Variants in ALPK2 observed in about 807,000 individuals in gnomAD.
ALPK2 encodes the protein alpha-protein kinase 2.
In ALPK2, 127 loss-of-function variants were observed where a neutral mutation model predicts 163.1. That is an observed-to-expected ratio of 0.78 (90% CI 0.67 to 0.90). The LOEUF (loss-of-function observed/expected upper bound fraction) is 0.90. Ranked by LOEUF, ALPK2 falls within the 40% of genes least tolerant of loss-of-function variation. ALPK2 has a pLI of 0.00. For synonymous variants in ALPK2, 953 were observed against 959.1 expected (o/e 0.99, Z 0.12); for missense variants, 2,360 against 2,589.6 (o/e 0.91, Z 1.92).
In ALPK2 at chr18:58,580,040, C is replaced by A. The variant is rs2051948768; in HGVS notation, c.736G>T (p.Asp246Tyr). ...TCATGAGGACCATCATTGTTCAGGT[C>A]ACCATCCGTGAACTTTGATGCCATG... ...HSMASKFTDG[D>Y]LNNDGPHDEG... Residue 246 changes from aspartate to tyrosine, a missense_variant, in exon 4 of 13, where the codon GAC becomes TAC. Physicochemically the swap from Asp to Tyr is radical, Grantham distance 160. Transcript: ENST00000361673. 6.2e-7 allele frequency: 1 copy of A among 1,614,230 alleles called. No individual in the cohort carries two copies. The highest frequency in any genetic ancestry group is 8.5e-7 in the Non-Finnish European group (1 of 1,180,044).
chr18:58,504,256 C>A, intron 10 of ALPK2, 108 bp from the exon 11 acceptor site: 1 of 887,520 alleles, frequency 1.1e-6, no homozygotes. Flanking sequence ...AATTTGTCCC[C>A]AATTCTGCTA....
chr18:58,519,594 A>AT (rs1222513937), intron 8 of ALPK2, among the ~76,000 whole-genome samples: 1 of 152,244 alleles, frequency 6.6e-6, no homozygotes, highest in Non-Finnish European at 1.5e-5. Flanking sequence ...ACGTGGTATA[A>AT]TTAACAACCC....
chr18:58,607,360 G>C lies in ALPK2; in HGVS notation c.189C>G (p.Phe63Leu). 1 of 1,613,550 alleles carries C rather than the reference G, an allele frequency of 6.2e-7. No individual in the cohort carries two copies. Among genetic ancestry groups the C allele is most frequent in the Non-Finnish European group, 8.5e-7 (1 of 1,179,774 alleles). Residue 63 changes from phenylalanine to leucine, a missense_variant, in exon 3 of 13, where the codon TTC becomes TTG. Coordinates refer to ENST00000361673, the MANE Select transcript of ALPK2 (RefSeq NM_052947.4). ...DGSGIISNYE[F>L]FENQYIHVLH... ...ACACATGAATATACTGATTCTCAAA[G>C]AATTCATAGTTGGAAATAATGCCAC...
intron 12 of ALPK2, 35 bp downstream of exon 12, chr18:58,498,014 G>A (rs370594860): frequency 6.2e-7 from 1 of 1,608,338 alleles, no homozygotes; most frequent in Non-Finnish European, 8.5e-7. Context: ...TAAGCCCAGT[G>A]TTAATTGATG....
intron 2 of ALPK2, among the ~76,000 whole-genome samples, chr18:58,610,343 T>C (rs1433599371): frequency 1.3e-5 from 2 of 149,540 alleles, no homozygotes; most frequent in African/African-American, 4.9e-5. Flanking sequence ...AGAAACACCA[T>C]TGGCACCTTC....
Position 58,482,593 on chromosome 18 carries a change from C to T in ALPK2, c.6297-554G>A, listed in dbSNP as rs558547580. Among the ~76,000 whole-genome samples, 9 of 152,300 alleles carry T rather than the reference C, an allele frequency of 5.9e-5. No individual in the cohort carries two copies. The South Asian group carries it at 1.0e-3, about 18-fold the overall frequency. ...TGAAGCCCTCTGAGTCTTTCTCCTA[C>T]AGCAGAGCTCACTCCCCTGGCAGCC... is the stretch of plus-strand genomic sequence containing the variant. On this transcript the variant is annotated intron_variant, in intron 12 of 12. Coordinates refer to ENST00000361673, the MANE Select transcript of ALPK2 (RefSeq NM_052947.4).
At chr18:58,558,776 T>G (rs2051807932) in intron 4 of ALPK2, among the ~76,000 whole-genome samples, 1 of 152,220 alleles carries the variant, frequency 6.6e-6, no homozygotes, top group South Asian at 2.1e-4. Context: ...TTCTCCCACA[T>G]GGGTGACCCT....
chr18:58,520,180 A>G (rs2051542433), intron 8 of ALPK2, among the ~76,000 whole-genome samples: 1 of 151,962 alleles, frequency 6.6e-6, no homozygotes, highest in African/African-American at 2.4e-5. Flanking sequence ...GTAATCCCAG[A>G]TCTCTGGGAG....
In ALPK2 at chr18:58,536,460, C is replaced by T; in HGVS notation, c.3727G>A (p.Ala1243Thr). The change falls in exon 5 of 13, where the codon GCT (alanine) becomes ACT (threonine). Residue 1243 changes from alanine to threonine, a missense_variant. By Grantham distance (58) the Ala-to-Thr change is moderately conservative. Transcript: ENST00000361673. ...GNKLKIITLEASASEIWPPRQ... is the reference protein window; with the variant it reads ...GNKLKIITLETSASEIWPPRQ... ...GGTGGCCAGATTTCAGAAGCGGAAG[C>T]CTCTAGAGTTATAATCTTCAGCTTG... 1 of 1,614,034 alleles carries T rather than the reference C, an allele frequency of 6.2e-7. No homozygotes were observed. The highest frequency in any genetic ancestry group is 1.3e-5 in the African/African-American group (1 of 75,044).
intron 3 of ALPK2, among the ~76,000 whole-genome samples, chr18:58,582,062 A>C (rs144321339): frequency 3.2e-4 from 49 of 152,316 alleles, no homozygotes; most frequent in Non-Finnish European, 5.6e-4. Flanking sequence ...TTGAGTTGGC[A>C]ATCTGGCTCT....
At chr18:58,499,552 A>G (rs145249445) in intron 11 of ALPK2, among the ~76,000 whole-genome samples, 1 of 152,124 alleles carries the variant, frequency 6.6e-6, no homozygotes, top group Admixed American at 6.6e-5. Flanking sequence ...CACCAATTCC[A>G]TTCCTGTCTC....
intron 1 of ALPK2, among the ~76,000 whole-genome samples, chr18:58,616,341 C>A (rs1458780508): frequency 6.6e-6 from 1 of 152,134 alleles, no homozygotes; most frequent in African/African-American, 2.4e-5. Flanking sequence ...CCTTCTTTTA[C>A]CTGTCCAAGG....
chr18:58,549,381 T>C (rs1194971217), intron 4 of ALPK2, among the ~76,000 whole-genome samples: 1 of 152,128 alleles, frequency 6.6e-6, no homozygotes, highest in Non-Finnish European at 1.5e-5. Flanking sequence ...CAGGGGCCCC[T>C]TTGGATGGAT....
At chr18:58,489,289 C>T (rs9958630) in intron 12 of ALPK2, among the ~76,000 whole-genome samples, 2,584 of 152,276 alleles carry the variant, frequency 0.017, 68 homozygotes, top group African/African-American at 0.059. Context: ...TGCCATTTCT[C>T]CTGTGGCATG....
chr18:58,612,360 G>A (rs2052137342), intron 1 of ALPK2, among the ~76,000 whole-genome samples: 1 of 152,208 alleles, frequency 6.6e-6, no homozygotes, highest in African/African-American at 2.4e-5. Flanking sequence ...TGATGTCCAG[G>A]GAGGAGATAT....
intron 12 of ALPK2, among the ~76,000 whole-genome samples, chr18:58,497,140 C>T (rs543705152): frequency 6.6e-6 from 1 of 152,386 alleles, no homozygotes; most frequent in African/African-American, 2.4e-5. Flanking sequence ...CTGGTGCCCC[C>T]TCTTGGCAGC....
chr18:58,577,516 T>G (rs2051928224), intron 4 of ALPK2, among the ~76,000 whole-genome samples: 1 of 152,236 alleles, frequency 6.6e-6, no homozygotes, highest in African/African-American at 2.4e-5. Context: ...ATTAACATTG[T>G]CACTTTATTT....
At chr18:58,569,249 C>G (rs1026452258) in intron 4 of ALPK2, among the ~76,000 whole-genome samples, 6 of 152,164 alleles carry the variant, frequency 3.9e-5, no homozygotes, top group African/African-American at 1.4e-4. Context: ...AGCCAAGGCT[C>G]TCAACCTTGG....
At chr18:58,611,870 CCTT>C in intron 1 of ALPK2, 53 bp from the exon 2 acceptor site, 1 of 1,192,944 alleles carries the variant, frequency 8.4e-7, no homozygotes, top group Non-Finnish European at 1.2e-6. Flanking sequence ...ATTTCTCTGG[CCTT>C]CTTAGGAATT....
Sources: allele counts gnomAD v4.1 joint callset (sites outside exome capture counted in the v4.1 genomes callset), GRCh38; gene constraint gnomAD v4.1.1; transcripts MANE v1.5; gene names NCBI Gene and HGNC (gene_info 2026-07-23, HGNC 2026-07-21).